TRMT10B: variants seen among roughly 807,000 people sequenced by gnomAD.
TRMT10B encodes tRNA methyltransferase 10 homolog B.
A neutral mutation model predicts 43.8 loss-of-function variants in TRMT10B; 33 were observed. The observed-to-expected ratio is 0.75, with a 90% CI of 0.57 to 1.01. The LOEUF is 1.01. Among genes scored for constraint, TRMT10B ranks in the 50% least tolerant of loss-of-function variants. TRMT10B has a pLI of 0.00. For missense variants in TRMT10B, 362 were observed against 369.8 expected, an observed-to-expected ratio of 0.98 and a Z score of 0.17; for synonymous variants, 137 against 130.6, an observed-to-expected ratio of 1.05 and a Z score of -0.34.
At chr9:37,761,738 G>T (rs190092218) in intron 1 of TRMT10B, among the ~76,000 whole-genome samples, 165 bp from the exon 2 acceptor site, 1 of 152,172 alleles carries the variant, frequency 6.6e-6, no homozygotes, top group Non-Finnish European at 1.5e-5. Context: ...TTTCTCTGCT[G>T]AATCATGTAT....
chr9:37,776,557 A>C (rs1420245600), intron 8 of TRMT10B, 152 bp downstream of exon 8: 38 of 973,216 alleles, frequency 3.9e-5, no homozygotes, highest in Non-Finnish European at 5.3e-5. Flanking sequence ...GGCCACTAAG[A>C]GGCATTCTGT....
At chr9:37,754,053 G>C (rs1825303765) in intron 1 of TRMT10B, among the ~76,000 whole-genome samples, 1 of 152,258 alleles carries the variant, frequency 6.6e-6, no homozygotes, top group African/African-American at 2.4e-5. Context: ...ACCCGCAGGC[G>C]GGGTGCTCTC....
chr9:37,776,888 C>A (rs1332120069), intron 8 of TRMT10B, among the ~76,000 whole-genome samples: 9 of 149,852 alleles, frequency 6.0e-5, no homozygotes. Flanking sequence ...GACAGTGATA[C>A]TCTGTCTCAA....
chr9:37,774,575 C>T (rs1827933960), intron 7 of TRMT10B, among the ~76,000 whole-genome samples: 1 of 152,142 alleles, frequency 6.6e-6, no homozygotes, highest in Admixed American at 6.5e-5. Flanking sequence ...TAGGGCAACA[C>T]CCAAATATCC....
chr9:37,755,424 CA>C (rs879379353), intron 1 of TRMT10B, among the ~76,000 whole-genome samples: 24 of 149,986 alleles, frequency 1.6e-4, no homozygotes, highest in African/African-American at 4.2e-4. Flanking sequence ...TTCCTATGTC[CA>C]AAAAAAAATG....
chr9:37,752,938 C>T (rs539297516), upstream of TRMT10B, among the ~76,000 whole-genome samples: 8 of 152,088 alleles, frequency 5.3e-5, no homozygotes, highest in Non-Finnish European at 7.4e-5. Context: ...ACTGTGGGTG[C>T]TTTGTTCTTT....
intron 7 of TRMT10B, 89 bp from the exon 8 acceptor site, chr9:37,776,193 A>C: frequency 9.0e-7 from 1 of 1,116,588 alleles, no homozygotes; most frequent in Non-Finnish European, 1.2e-6. Context: ...CCATTCCACA[A>C]TAGGCTACTT....
rs777044617 is a variant in TRMT10B at position 37,777,744 on chromosome 9, C to G, written c.*37C>G. The G allele has an allele frequency of 1.3e-6, 2 of 1,548,898 alleles. No individual in the cohort carries two copies. The highest frequency in any genetic ancestry group is 4.5e-5 in the East Asian group (2 of 44,516). The stretch of plus-strand genomic sequence containing the variant: ...TTGCAGCTGCGTGGCCAGGTGCTCA[C>G]GCCGTAATGCCAACACTTTGGTAGA... On this transcript the variant is annotated 3_prime_UTR_variant, in exon 9 of 9. Transcript: ENST00000297994.
intron 3 of TRMT10B, 48 bp downstream of exon 3, chr9:37,762,733 A>G: frequency 2.6e-6 from 4 of 1,527,472 alleles, no homozygotes; most frequent in Non-Finnish European, 3.5e-6. Context: ...TTTTTTAGCA[A>G]ACGTGTCTGC....
At chr9:37,755,278 T>C (rs948671176) in intron 1 of TRMT10B, among the ~76,000 whole-genome samples, 7 of 151,042 alleles carry the variant, frequency 4.6e-5, no homozygotes, top group Non-Finnish European at 8.9e-5. Context: ...CTTTTTTTTT[T>C]TTTTTTTTTT....
chr9:37,775,346 T>C (rs941554149), intron 7 of TRMT10B, among the ~76,000 whole-genome samples: 2 of 152,174 alleles, frequency 1.3e-5, no homozygotes, highest in Non-Finnish European at 2.9e-5. Flanking sequence ...CCTGAAGTCT[T>C]AGGTAGAAAA....
At chr9:37,763,932 G>A in intron 4 of TRMT10B, 179 bp downstream of exon 4, 1 of 1,292,692 alleles carries the variant, frequency 7.7e-7, no homozygotes, top group African/African-American at 1.5e-5. Context: ...GAACCTGGAA[G>A]AGAATATATA....
intron 1 of TRMT10B, among the ~76,000 whole-genome samples, chr9:37,754,392 G>T (rs532196083): frequency 6.6e-6 from 1 of 152,158 alleles, no homozygotes; most frequent in African/African-American, 2.4e-5. Context: ...TATGTTTGAG[G>T]AACAGCAAAT....
At chr9:37,768,409 G>A (rs950495720) in intron 5 of TRMT10B, among the ~76,000 whole-genome samples, 181 bp downstream of exon 5, 1 of 152,052 alleles carries the variant, frequency 6.6e-6, no homozygotes, top group Non-Finnish European at 1.5e-5. Context: ...CATTGGCAAA[G>A]TACTGTTACC....
intron 1 of TRMT10B, 134 bp downstream of exon 1, chr9:37,753,986 T>G (rs575449063): frequency 2.6e-5 from 4 of 152,472 alleles, no homozygotes; most frequent in African/African-American, 9.6e-5. Context: ...TACTCCACCT[T>G]CCTGATACTT....
rs58721570 is a variant in TRMT10B at position 37,755,081 on chromosome 9, T to C, written c.-30+1229T>C. Among the ~76,000 whole-genome samples, 1,441 of 152,020 alleles carry C rather than the reference T, an allele frequency of 9.5e-3. 25 individuals are homozygous for C. Among genetic ancestry groups the C allele is most frequent in the African/African-American group, 0.033 (1,373 of 41,458 alleles). Reference sequence around the variant, plus strand: ...GTCAGGAGATCGAGACCATCCTGGCTAAAATGGTGAAACTCCGTCTCTACT... The same window carrying C: ...GTCAGGAGATCGAGACCATCCTGGCCAAAATGGTGAAACTCCGTCTCTACT... On this transcript the variant is annotated intron_variant, in intron 1 of 8. Coordinates refer to ENST00000297994, the MANE Select transcript of TRMT10B (RefSeq NM_144964.4).
chr9:37,762,124 G>T lies in TRMT10B; in HGVS notation c.186+7G>T. 6.2e-7 allele frequency: 1 copy of T among 1,609,046 alleles called. No homozygotes were observed. The highest frequency in any genetic ancestry group is 8.5e-7 in the Non-Finnish European group (1 of 1,176,570). On this transcript the variant is annotated splice_region_variant and intron_variant, in intron 2 of 8. Coordinates refer to ENST00000297994, the MANE Select transcript of TRMT10B (RefSeq NM_144964.4). ...CAGTACGGCATGGTGCTCGGTGAGT[G>T]CGTGAATTGCCTGGCCATAGGCCTT...
At chr9:37,762,166 C>G in intron 2 of TRMT10B, 49 bp downstream of exon 2, 1 of 1,546,046 alleles carries the variant, frequency 6.5e-7, no homozygotes, top group Non-Finnish European at 8.8e-7. Context: ...TGGAATGTCT[C>G]AAGACACCCC....
chr9:37,776,554 A>AAG, intron 8 of TRMT10B, 149 bp downstream of exon 8: 1 of 988,752 alleles, frequency 1.0e-6, no homozygotes, highest in Non-Finnish European at 1.4e-6. Context: ...TCTGGCCACT[A>AAG]AGAGGCATTC....
Sources: allele counts gnomAD v4.1 joint callset (sites outside exome capture counted in the v4.1 genomes callset), GRCh38; gene constraint gnomAD v4.1.1; transcripts MANE v1.5; gene names NCBI Gene and HGNC (gene_info 2026-07-23, HGNC 2026-07-21).